BICD1: variants seen among roughly 807,000 people sequenced by gnomAD.
BICD1 encodes protein bicaudal D homolog 1.
BICD1 carries 35 observed loss-of-function variants against 92.5 expected under a neutral mutation model. The observed-to-expected ratio is 0.38, with a 90% CI of 0.29 to 0.50. The LOEUF (loss-of-function observed/expected upper bound fraction) is 0.50, where lower values mean the gene tolerates loss of function less well. Among genes scored for constraint, BICD1 ranks in the 20% least tolerant of loss-of-function variants. BICD1 has a pLI of 0.93. For synonymous variants in BICD1, 429 were observed against 465.1 expected (o/e 0.92, Z 1.00); for missense variants, 950 against 1,189.8 (o/e 0.80, Z 2.97).
intron 5 of BICD1, among the ~76,000 whole-genome samples, chr12:32,330,846 A>G (rs1387383664): frequency 6.6e-6 from 1 of 152,152 alleles, no homozygotes; most frequent in East Asian, 1.9e-4. Context: ...GAATATTAAC[A>G]ATTTAGGTCT....
chr12:32,377,314 G>A (rs931439208), intron 9 of BICD1, among the ~76,000 whole-genome samples: 1 of 152,150 alleles, frequency 6.6e-6, no homozygotes, highest in African/African-American at 2.4e-5. Flanking sequence ...GTGACTTTGA[G>A]GGAAGAGTGC....
intron 8 of BICD1, among the ~76,000 whole-genome samples, chr12:32,346,562 A>ACGTGTG (rs1305060415): frequency 5.4e-5 from 2 of 37,172 alleles, no homozygotes; most frequent in Non-Finnish European, 8.2e-5. Flanking sequence ...ATATATATAT[A>ACGTGTG]TATATATATA....
chr12:32,285,203 G>A (rs1222808144), intron 2 of BICD1, among the ~76,000 whole-genome samples: 1 of 152,118 alleles, frequency 6.6e-6, no homozygotes, highest in Non-Finnish European at 1.5e-5. Flanking sequence ...AGTGTTCCCT[G>A]GCTCACCCAG....
At chr12:32,135,707 A>T (rs1428277666) in intron 1 of BICD1, among the ~76,000 whole-genome samples, 1 of 152,166 alleles carries the variant, frequency 6.6e-6, no homozygotes, top group Admixed American at 6.5e-5. Context: ...TTTTAGAAAG[A>T]GCGTGAATCT....
At chr12:32,164,580 G>A (rs1300662495) in intron 1 of BICD1, among the ~76,000 whole-genome samples, 1 of 152,166 alleles carries the variant, frequency 6.6e-6, no homozygotes, top group East Asian at 1.9e-4. Context: ...GCAGGTAAAT[G>A]AAACTTTATG....
chr12:32,278,362 AAG>A (rs1336557959), intron 2 of BICD1, among the ~76,000 whole-genome samples: 1 of 152,224 alleles, frequency 6.6e-6, no homozygotes, highest in Non-Finnish European at 1.5e-5. Flanking sequence ...TAAACAGAGA[AAG>A]AGAAAGAACA....
At chr12:32,349,745 C>T (rs1592708339) in intron 8 of BICD1, among the ~76,000 whole-genome samples, 2 of 152,098 alleles carry the variant, frequency 1.3e-5, no homozygotes, top group African/African-American at 4.8e-5. Flanking sequence ...ATATATAAAA[C>T]AAACTTTTTT....
intron 1 of BICD1, among the ~76,000 whole-genome samples, chr12:32,184,937 A>G (rs1244622874): frequency 1.3e-5 from 2 of 152,198 alleles, no homozygotes; most frequent in Non-Finnish European, 2.9e-5. Context: ...GTGTTTTATA[A>G]ATCAGTTGGT....
In BICD1 at chr12:32,328,112, G is replaced by T; in HGVS notation, c.1657G>T (p.Asp553Tyr). 6.2e-7 allele frequency: 1 copy of T among 1,614,142 alleles called. No homozygotes were observed. The highest frequency in any genetic ancestry group is 8.5e-7 in the Non-Finnish European group (1 of 1,180,004). Residue 553 changes from aspartate to tyrosine, a missense_variant, in exon 5 of 10, where the codon GAT becomes TAT. Asp to Tyr is a radical substitution (Grantham distance 160, BLOSUM62 -3). Transcript: ENST00000652176. This position sits in a 1 kb window ranked among gnomAD's most constrained non-coding sequence, Gnocchi z 4.4. ...CCGCAGTGGCAGCCTGAAAGGGCCC[G>T]ATGATCCCAGAGGACTTTTGTCCCC... ...VTRSGSLKGPDDPRGLLSPRL... is the reference protein window; with the variant it reads ...VTRSGSLKGPYDPRGLLSPRL...
chr12:32,117,632 G>A (rs1220089298), intron 1 of BICD1, among the ~76,000 whole-genome samples: 2 of 149,822 alleles, frequency 1.3e-5, no homozygotes, highest in African/African-American at 2.5e-5. Flanking sequence ...TCACACACAC[G>A]GGCACATGTG....
At chr12:32,118,011 A>G (rs1236242811) in intron 1 of BICD1, among the ~76,000 whole-genome samples, 1 of 151,324 alleles carries the variant, frequency 6.6e-6, no homozygotes, top group African/African-American at 2.4e-5. Flanking sequence ...CGGCCTCCCA[A>G]AGTGCTGGGA....
chr12:32,199,162 C>G (rs1017281592), intron 1 of BICD1, among the ~76,000 whole-genome samples: 1 of 151,466 alleles, frequency 6.6e-6, no homozygotes, highest in African/African-American at 2.4e-5. Context: ...AAACTTCTGG[C>G]AAAAAAAGAT....
chr12:32,358,897 A>G (rs1565695101), intron 8 of BICD1, among the ~76,000 whole-genome samples: 1 of 152,198 alleles, frequency 6.6e-6, no homozygotes. Flanking sequence ...AGCATTACAT[A>G]TTACCATTAT....
intron 1 of BICD1, among the ~76,000 whole-genome samples, chr12:32,140,415 A>C (rs747199527): frequency 1.3e-5 from 2 of 152,182 alleles, no homozygotes; most frequent in Non-Finnish European, 2.9e-5. Context: ...AAATTTTATA[A>C]AAAATGTAAT....
At chr12:32,244,092 A>G (rs868495600) in intron 2 of BICD1, among the ~76,000 whole-genome samples, 5 of 138,274 alleles carry the variant, frequency 3.6e-5, no homozygotes, top group Non-Finnish European at 7.4e-5. Flanking sequence ...CTATTTCAAA[A>G]TTAAAATCAT....
chr12:32,128,180 A>G (rs1408997481), intron 1 of BICD1, among the ~76,000 whole-genome samples: 3 of 152,384 alleles, frequency 2.0e-5, no homozygotes, highest in Middle Eastern at 3.4e-3. Flanking sequence ...TTGGGATCAC[A>G]GGCGTGAGCC....
chr12:32,243,056 A>T (rs1177943409), intron 2 of BICD1, among the ~76,000 whole-genome samples: 1 of 151,704 alleles, frequency 6.6e-6, no homozygotes, highest in Admixed American at 6.6e-5. Flanking sequence ...CTATTGTATT[A>T]TTATTTCATT....
chr12:32,327,959 A>C lies in BICD1; in HGVS notation c.1504A>C (p.Asn502His). 6.2e-7 allele frequency: 1 copy of C among 1,614,172 alleles called. No individual in the cohort carries two copies. Among genetic ancestry groups the C allele is most frequent in the South Asian group, 1.1e-5 (1 of 91,076 alleles). ...AGCCAACGAAAATCACAGTACCCTT[A>C]ATACGGCCCAGGATGAGTTAGTGAC... ...SIANENHSTL[N>H]TAQDELVTFS... is the part of the protein sequence containing the mutation. The change falls in exon 5 of 10, where the codon AAT becomes CAT. Residue 502 changes from asparagine (N) to histidine (H), a missense_variant. Coordinates refer to ENST00000652176, the MANE Select transcript of BICD1 (RefSeq NM_001714.4).
intron 5 of BICD1, among the ~76,000 whole-genome samples, chr12:32,332,274 T>C (rs1403906363): frequency 6.9e-6 from 1 of 144,672 alleles, no homozygotes; most frequent in Non-Finnish European, 1.5e-5. Context: ...AAATGGATAC[T>C]AGGCTTACAT....
Sources: gnomAD v4.1 joint callset for allele counts (sites outside exome capture counted in the v4.1 genomes callset) on GRCh38, gnomAD v4.1.1 for gene constraint, Gnocchi (gnomAD v3.1) non-coding constraint, MANE v1.5 for transcripts, NCBI Gene and HGNC (gene_info 2026-07-23, HGNC 2026-07-21) for gene names.